Variants in CFAP299 observed in about 807,000 individuals in gnomAD.
CFAP299 encodes cilia- and flagella-associated protein 299.
CFAP299 carries 21 observed loss-of-function variants against 27.0 expected under a neutral mutation model. That is an observed-to-expected ratio of 0.78 (90% CI 0.55 to 1.12). The LOEUF (loss-of-function observed/expected upper bound fraction) is 1.12. Ranked by LOEUF, CFAP299 falls within the 50% of genes most tolerant of loss-of-function variation. The pLI is 0.00. For missense variants in CFAP299, 310 were observed against 276.6 expected (o/e 1.12, Z -0.86); for synonymous variants, 104 against 98.1 (o/e 1.06, Z -0.36).
At chr4:80,725,281 A>T (rs753407347) in intron 3 of CFAP299, among the ~76,000 whole-genome samples, 1 of 151,720 alleles carries the variant, frequency 6.6e-6, no homozygotes, top group South Asian at 2.1e-4. Flanking sequence ...TAGATGAATG[A>T]CTTTCTTTTA....
At chr4:80,760,467 G>A (rs1036113137) in intron 3 of CFAP299, among the ~76,000 whole-genome samples, 2 of 152,186 alleles carry the variant, frequency 1.3e-5, no homozygotes, top group African/African-American at 4.8e-5. Context: ...TAATGGCCTT[G>A]TGCAAATTGT....
At chr4:80,555,283 A>T (rs1734729446) in intron 2 of CFAP299, among the ~76,000 whole-genome samples, 1 of 152,152 alleles carries the variant, frequency 6.6e-6, no homozygotes. Context: ...AGTTCTATTT[A>T]TGTGATGAGT....
intron 3 of CFAP299, among the ~76,000 whole-genome samples, chr4:80,711,063 T>C (rs555573589): frequency 1.7e-4 from 26 of 152,138 alleles, no homozygotes; most frequent in Non-Finnish European, 3.7e-4. Context: ...CTGTTGTCTG[T>C]AAAAGGTATA....
At chr4:80,932,055 T>C (rs1393156011) in intron 4 of CFAP299, among the ~76,000 whole-genome samples, 1 of 152,146 alleles carries the variant, frequency 6.6e-6, no homozygotes, top group Non-Finnish European at 1.5e-5. Flanking sequence ...ATGGTAGTAA[T>C]TAGCAAAGTC....
intron 2 of CFAP299, among the ~76,000 whole-genome samples, chr4:80,466,087 T>A (rs1007317547): frequency 1.3e-5 from 2 of 152,362 alleles, no homozygotes; most frequent in Non-Finnish European, 2.9e-5. Flanking sequence ...CTGACATTTT[T>A]AAATTTAAAT....
chr4:80,610,224 G>A (rs1577929630), intron 3 of CFAP299, among the ~76,000 whole-genome samples: 1 of 151,990 alleles, frequency 6.6e-6, no homozygotes, highest in Admixed American at 6.6e-5. Context: ...CTAGTGAAGT[G>A]TGGACAGAAA....
chr4:80,640,982 A>G (rs1009418611), intron 3 of CFAP299, among the ~76,000 whole-genome samples: 2 of 152,312 alleles, frequency 1.3e-5, no homozygotes, highest in African/African-American at 2.4e-5. Flanking sequence ...TTGTGTCACT[A>G]TAGATATAAA....
At chr4:80,495,781 A>G (rs913733016) in intron 2 of CFAP299, among the ~76,000 whole-genome samples, 6 of 152,248 alleles carry the variant, frequency 3.9e-5, no homozygotes, top group Non-Finnish European at 8.8e-5. Context: ...TGATACTAGC[A>G]TCTGCTCAGC....
chr4:80,962,577 T>C (rs1253078690), intron 5 of CFAP299, among the ~76,000 whole-genome samples: 2 of 150,900 alleles, frequency 1.3e-5, no homozygotes, highest in East Asian at 3.9e-4. Context: ...AAAAAAAGAG[T>C]TGTAAAATAA....
At chr4:80,484,836 A>AT (rs1730729645) in intron 2 of CFAP299, among the ~76,000 whole-genome samples, 1 of 152,030 alleles carries the variant, frequency 6.6e-6, no homozygotes, top group African/African-American at 2.4e-5. Flanking sequence ...GAAAATAAAT[A>AT]TTTTTCCTGT....
At chr4:80,698,264 C>A (rs574327832) in intron 3 of CFAP299, among the ~76,000 whole-genome samples, 1 of 152,144 alleles carries the variant, frequency 6.6e-6, no homozygotes, top group Non-Finnish European at 1.5e-5. Context: ...TGGGTAAGTA[C>A]CCCAAAATTA....
At chr4:80,457,052 A>T (rs1245931793) in intron 2 of CFAP299, among the ~76,000 whole-genome samples, 1 of 151,966 alleles carries the variant, frequency 6.6e-6, no homozygotes, top group Non-Finnish European at 1.5e-5. Flanking sequence ...ATTATTAAAG[A>T]GACCATGAGA....
chr4:80,710,317 T>G (rs1301096560), intron 3 of CFAP299, among the ~76,000 whole-genome samples: 1 of 151,992 alleles, frequency 6.6e-6, no homozygotes, highest in African/African-American at 2.4e-5. Flanking sequence ...ATTTCTTCCC[T>G]AAGAATTCCA....
intron 2 of CFAP299, among the ~76,000 whole-genome samples, chr4:80,479,521 T>G (rs1481112875): frequency 6.6e-6 from 1 of 152,062 alleles, no homozygotes; most frequent in Admixed American, 6.5e-5. Context: ...GTGAATACAC[T>G]GGGGAAAAAC....
chr4:80,871,672 T>C (rs1733105162), intron 4 of CFAP299: 4 of 968,754 alleles, frequency 4.1e-6, no homozygotes, highest in Admixed American at 1.2e-4. Context: ...CACTGAATTC[T>C]ATTATCTTAG....
intron 2 of CFAP299, among the ~76,000 whole-genome samples, chr4:80,579,820 T>A (rs755684614): frequency 6.6e-5 from 10 of 152,068 alleles, no homozygotes; most frequent in Non-Finnish European, 1.0e-4. Context: ...TAGACATATA[T>A]CTATATATAA....
chr4:80,842,862 G>C (rs534118341), intron 3 of CFAP299, among the ~76,000 whole-genome samples: 1 of 152,046 alleles, frequency 6.6e-6, no homozygotes, highest in Non-Finnish European at 1.5e-5. Context: ...AAGTTTGAAG[G>C]GGTATTCTTG....
At chr4:80,398,728 A>G (rs1423649931) in intron 2 of CFAP299, among the ~76,000 whole-genome samples, 2 of 152,246 alleles carry the variant, frequency 1.3e-5, no homozygotes, top group East Asian at 3.8e-4. Flanking sequence ...ACATAAAACC[A>G]TAAAAACCCT....
chr4:80,433,286 T>A (rs140321854), intron 2 of CFAP299, among the ~76,000 whole-genome samples: 233 of 152,294 alleles, frequency 1.5e-3, no homozygotes, highest in African/African-American at 5.4e-3. Flanking sequence ...TGTGTATAGA[T>A]GATACATTTC....
Sources: allele counts gnomAD v4.1 joint callset (sites outside exome capture counted in the v4.1 genomes callset), GRCh38; gene constraint gnomAD v4.1.1; transcripts MANE v1.5; gene names NCBI Gene and HGNC (gene_info 2026-07-23, HGNC 2026-07-21).